Variants in EPS15L1 observed in about 807,000 individuals in gnomAD.
EPS15L1 encodes epidermal growth factor receptor substrate 15-like 1.
Under a neutral mutation model 117.1 loss-of-function variants are expected in EPS15L1, and 43 were observed. The observed-to-expected ratio is 0.37, with a 90% CI of 0.29 to 0.47. EPS15L1 has a LOEUF of 0.47. Among genes scored for constraint, EPS15L1 ranks in the 20% least tolerant of loss-of-function variants. EPS15L1 has a pLI of 0.99. For missense variants in EPS15L1, 981 were observed against 1,164.0 expected (o/e 0.84, Z 2.29); for synonymous variants, 459 against 470.5 (o/e 0.98, Z 0.32).
chr19:16,422,933 G>A (rs923429591), intron 9 of EPS15L1, among the ~76,000 whole-genome samples: 3 of 149,724 alleles, frequency 2.0e-5, no homozygotes, highest in African/African-American at 7.4e-5. Context: ...ACTCCAGCCT[G>A]GGCGACAGAG....
At position 16,365,339 on chromosome 19, in the gene EPS15L1, G is replaced by C. The variant is rs2144647739; in HGVS notation, c.2381-3355C>G. 1.3e-5 allele frequency among the ~76,000 whole-genome samples: 2 copies of C among 152,294 alleles called. No individual in the cohort carries two copies. The highest frequency in any genetic ancestry group is 4.1e-4 in the South Asian group (2 of 4,832). ...ACTTGAAGATAGCATATTTAAAGGG[G>C]TAACTGAGTTAAAACGAAGTCAAAG... On this transcript the variant is annotated intron_variant, in intron 22 of 23. Coordinates refer to ENST00000455140, the MANE Select transcript of EPS15L1 (RefSeq NM_001258374.3). This position sits in a 1 kb window ranked among gnomAD's most constrained non-coding sequence, Gnocchi z 4.9.
At chr19:16,422,543 G>A (rs2092827297) in intron 9 of EPS15L1, among the ~76,000 whole-genome samples, 1 of 152,106 alleles carries the variant, frequency 6.6e-6, no homozygotes, top group African/African-American at 2.4e-5. Context: ...AATGTGGCTG[G>A]AGGGATCGAT....
At chr19:16,395,015 T>C (rs1286762600) in intron 17 of EPS15L1, among the ~76,000 whole-genome samples, 1 of 151,424 alleles carries the variant, frequency 6.6e-6, no homozygotes, top group Non-Finnish European at 1.5e-5. Flanking sequence ...AGGTCAAGAG[T>C]TCGAGACCAG....
rs568464004 is a variant in EPS15L1 at position 16,439,678 on chromosome 19, G to A, written c.213+1184C>T. 9.2e-5 allele frequency among the ~76,000 whole-genome samples: 14 copies of A among 151,868 alleles called. 1 individual carries two copies. Among genetic ancestry groups the A allele is most frequent in the Admixed American group, 2.0e-4 (3 of 15,238 alleles). On this transcript the variant is annotated intron_variant, in intron 4 of 23. Transcript: ENST00000455140. ...TGCACTCCAGCCTGGGCAACAGAGC[G>A]AGGCTCAAAAAATAAAAAATAAAAA...
intron 1 of EPS15L1, among the ~76,000 whole-genome samples, chr19:16,463,774 C>G (rs2093275211): frequency 6.6e-6 from 1 of 152,178 alleles, no homozygotes; most frequent in Non-Finnish European, 1.5e-5. Flanking sequence ...TCCATCTCCA[C>G]CAGTGGTAAC....
Position 16,377,177 on chromosome 19 carries a change from G to A in EPS15L1, c.2325C>T (p.Asp775=). ...FSDDPFKSKQ[D]TPALPPKKPA... is the part of the protein sequence containing the mutation. ...GTTTCTTCGGAGGCAGAGCAGGAGTGTCCTGTTTACTTTTAAAGGGGTCAT... is the reference window on the plus strand; with the variant it reads ...GTTTCTTCGGAGGCAGAGCAGGAGTATCCTGTTTACTTTTAAAGGGGTCAT... Residue 775 remains aspartate (D), a synonymous_variant, in exon 22 of 24, where the codon GAC becomes GAT. Coordinates refer to ENST00000455140, the MANE Select transcript of EPS15L1 (RefSeq NM_001258374.3). 2.5e-6 allele frequency: 4 copies of A among 1,612,948 alleles called. No individual in the cohort carries two copies. The highest frequency in any genetic ancestry group is 3.4e-6 in the Non-Finnish European group (4 of 1,179,470).
chr19:16,467,535 C>CA (rs1259274387), intron 1 of EPS15L1, among the ~76,000 whole-genome samples: 30 of 145,486 alleles, frequency 2.1e-4, no homozygotes, highest in African/African-American at 5.7e-4. Context: ...ACAACAACAA[C>CA]AAAAACAAAA....
intron 1 of EPS15L1, among the ~76,000 whole-genome samples, chr19:16,456,658 CAAAACAAAAACA>C (rs962765800): frequency 1.3e-5 from 2 of 151,404 alleles, no homozygotes; most frequent in African/African-American, 2.4e-5. Flanking sequence ...AACTCCATCT[CAAAACAAAAACA>C]AAAACAAAAC....
At chr19:16,431,948 T>C (rs2092932006) in intron 7 of EPS15L1, among the ~76,000 whole-genome samples, 1 of 152,224 alleles carries the variant, frequency 6.6e-6, no homozygotes, top group Admixed American at 6.5e-5. Flanking sequence ...CAAACGTGGA[T>C]ACAAAATACA....
intron 13 of EPS15L1, chr19:16,412,935 G>A (rs562658274): frequency 2.2e-4 from 142 of 659,774 alleles, no homozygotes; most frequent in South Asian, 2.0e-3. Context: ...CCCTGGAGGA[G>A]AGCTATCTCT....
rs60751956 is a variant in EPS15L1, at chr19:16,425,362, C to T, written c.559-46G>A. ...GGCACTGAAGGGGCAAGGCTGGGGC[C>T]GGGACCATCAGGAGAAGGCAGAGGG... On this transcript the variant is annotated intron_variant, in intron 8 of 23. Transcript: ENST00000455140. The T allele has an allele frequency of 2.8e-3, 3,830 of 1,388,894 alleles. 69 individuals are homozygous for T. In the African/African-American group the frequency reaches 0.046, roughly 17 times the overall value. The allele number at this position is 1,388,894 out of a possible 1,614,324, so 86.0% of individuals were successfully genotyped here.
At chr19:16,394,672 A>C (rs1330536145) in intron 17 of EPS15L1, among the ~76,000 whole-genome samples, 1 of 152,144 alleles carries the variant, frequency 6.6e-6, no homozygotes, top group Non-Finnish European at 1.5e-5. Flanking sequence ...TCCAGACCTT[A>C]GGTTTATGTA....
intron 1 of EPS15L1, among the ~76,000 whole-genome samples, chr19:16,460,666 G>C (rs2093239902): frequency 6.6e-6 from 1 of 152,242 alleles, no homozygotes; most frequent in Non-Finnish European, 1.5e-5. Context: ...TCGACCCACA[G>C]AGAAAGTTTC....
chr19:16,358,657 G>A (rs373866540), intron 23 of EPS15L1, among the ~76,000 whole-genome samples: 24 of 152,314 alleles, frequency 1.6e-4, no homozygotes, highest in East Asian at 5.8e-4. Flanking sequence ...TAGACAGCTC[G>A]GCACGCTGGG....
At chr19:16,402,777 G>T (rs1446907022) in intron 15 of EPS15L1, among the ~76,000 whole-genome samples, 1 of 151,956 alleles carries the variant, frequency 6.6e-6, no homozygotes, top group Non-Finnish European at 1.5e-5. Context: ...TAGAGATGGG[G>T]TCTCGCTATG....
chr19:16,451,865 C>T (rs552298076), intron 1 of EPS15L1, among the ~76,000 whole-genome samples: 74 of 148,986 alleles, frequency 5.0e-4, no homozygotes, highest in African/African-American at 1.7e-3. Context: ...AGGCCAGGCA[C>T]GGTGGCTCAC....
At chr19:16,441,658 AAGCT>A in intron 3 of EPS15L1, 1 of 350,230 alleles carries the variant, frequency 2.9e-6, no homozygotes, top group Non-Finnish European at 5.1e-6. Flanking sequence ...AAAAGTCCAC[AAGCT>A]ATCAAGACCC....
At chr19:16,425,046 C>T (rs1599627757) in intron 9 of EPS15L1, 37 bp downstream of exon 9, 3 of 1,517,150 alleles carry the variant, frequency 2.0e-6, no homozygotes, top group Non-Finnish European at 2.7e-6. Context: ...TCCTACTGTG[C>T]TCTGAGAGGG....
chr19:16,380,764 A>G (rs1448661965), intron 21 of EPS15L1, among the ~76,000 whole-genome samples: 3 of 152,258 alleles, frequency 2.0e-5, no homozygotes, highest in African/African-American at 4.8e-5. Context: ...TTGCACAGAC[A>G]TGGCCGTTTA....
Sources: allele counts gnomAD v4.1 joint callset (sites outside exome capture counted in the v4.1 genomes callset), GRCh38; gene constraint gnomAD v4.1.1; non-coding constraint Gnocchi (gnomAD v3.1); transcripts MANE v1.5; gene names NCBI Gene and HGNC (gene_info 2026-07-23, HGNC 2026-07-21).